The following STK33 variants were observed in gnomAD, a reference collection of about 807,000 sequenced individuals.
STK33 encodes the protein serine/threonine-protein kinase 33.
Under a neutral mutation model 58.0 loss-of-function variants are expected in STK33, and 52 were observed. That is an observed-to-expected ratio of 0.90 (90% confidence interval 0.72 to 1.13). The LOEUF (loss-of-function observed/expected upper bound fraction) is 1.13. Ranked by LOEUF, STK33 falls within the 50% of genes most tolerant of loss-of-function variation. STK33 has a pLI of 0.00. For missense variants in STK33, 630 were observed against 604.2 expected (o/e 1.04, Z -0.45); for synonymous variants, 215 against 200.1 (o/e 1.07, Z -0.63).
At chr11:8,357,932 A>G in the STK33 span, among the ~76,000 whole-genome samples, 1 of 152,336 alleles carries the variant, frequency 6.6e-6, no homozygotes, top group East Asian at 1.9e-4. Flanking sequence ...GCAGGTACTC[A>G]GCTCAGCTTG....
intron 14 of STK33, among the ~76,000 whole-genome samples, chr11:8,430,961 G>A (rs566572909): frequency 1.2e-4 from 18 of 151,442 alleles, no homozygotes; most frequent in African/African-American, 4.4e-4. Flanking sequence ...CCACCTCCTG[G>A]GTTCAAGCAA....
intron 6 of STK33, among the ~76,000 whole-genome samples, chr11:8,470,133 GA>G (rs1948632945): frequency 6.6e-6 from 1 of 152,200 alleles, no homozygotes; most frequent in Non-Finnish European, 1.5e-5. Flanking sequence ...CTCTAGCTAT[GA>G]AAGGATTAGT....
At chr11:8,457,914 T>A (rs538382863) in intron 8 of STK33, among the ~76,000 whole-genome samples, 1 of 152,274 alleles carries the variant, frequency 6.6e-6, no homozygotes, top group Non-Finnish European at 1.5e-5. Context: ...AAAAGAATAA[T>A]CTCAGTGTTA....
At chr11:8,558,705 T>C (rs986706580) in intron 1 of STK33, among the ~76,000 whole-genome samples, 5 of 152,180 alleles carry the variant, frequency 3.3e-5, no homozygotes, top group African/African-American at 1.2e-4. Flanking sequence ...GTTTTGTGTG[T>C]TCCTGCTGGG....
chr11:8,348,438 A>C, the STK33 span, among the ~76,000 whole-genome samples: 17,456 of 152,184 alleles, frequency 0.11, 1,046 homozygotes, highest in Middle Eastern at 0.16. Context: ...TTATAAAACC[A>C]TCAGGATCTC....
intron 9 of STK33, among the ~76,000 whole-genome samples, chr11:8,455,639 T>C (rs1946755871): frequency 7.2e-6 from 1 of 138,268 alleles, no homozygotes; most frequent in Admixed American, 7.5e-5. Flanking sequence ...AAACCCCATC[T>C]CTACTAAAAA....
chr11:8,474,393 A>C (rs1016386566), intron 5 of STK33, among the ~76,000 whole-genome samples: 2 of 152,184 alleles, frequency 1.3e-5, no homozygotes, highest in African/African-American at 4.8e-5. Context: ...GATTTAATTC[A>C]ACTTGAAAAC....
At chr11:8,479,701 G>C (rs1185348590) in intron 2 of STK33, among the ~76,000 whole-genome samples, 1 of 152,074 alleles carries the variant, frequency 6.6e-6, no homozygotes, top group African/African-American at 2.4e-5. Context: ...AAATTAGCCA[G>C]TCGTGGTGGT....
intron 6 of STK33, among the ~76,000 whole-genome samples, chr11:8,470,009 T>A (rs533261322): frequency 2.4e-4 from 36 of 152,324 alleles, no homozygotes; most frequent in African/African-American, 8.4e-4. Context: ...GCCCTAGGAA[T>A]TTCAAAACAA....
the STK33 span, among the ~76,000 whole-genome samples, chr11:8,354,245 C>G: frequency 6.6e-6 from 1 of 151,990 alleles, no homozygotes; most frequent in African/African-American, 2.4e-5. Context: ...CTGCCAGGCC[C>G]GGCCGGAACT....
chr11:8,443,520 A>G (rs1022924036), intron 11 of STK33, among the ~76,000 whole-genome samples: 1 of 152,182 alleles, frequency 6.6e-6, no homozygotes, highest in Admixed American at 6.5e-5. Context: ...AACACTTATA[A>G]ATAATTTTTC....
rs964040221 is a variant in STK33 at position 8,436,014 on chromosome 11, C to T, written c.1060+13G>A. 6.7e-7 allele frequency: 1 copy of T among 1,483,450 alleles called. No individual in the cohort carries two copies. Among genetic ancestry groups the T allele is most frequent in the Admixed American group, 2.0e-5 (1 of 49,252 alleles). The allele number at this position is 1,483,450 out of a possible 1,614,324, so 91.9% of individuals were successfully genotyped here. A position where few individuals can be genotyped will look rare whatever the true frequency, so the allele number is the denominator to read the frequency against. ...ATATTAGCTTTAGTAAATAATAACG[C>T]ATCTATACTTACCACAGTCACTTAT... On this transcript the variant is annotated intron_variant, in intron 13 of 15. Transcript: ENST00000687296.
chr11:8,514,056 G>T (rs983607721), intron 1 of STK33, among the ~76,000 whole-genome samples: 1 of 151,804 alleles, frequency 6.6e-6, no homozygotes, highest in African/African-American at 2.4e-5. Context: ...AGAAATAAGT[G>T]AGAACATACT....
At chr11:8,376,408 A>T in the STK33 span, among the ~76,000 whole-genome samples, 1 of 152,252 alleles carries the variant, frequency 6.6e-6, no homozygotes, top group Non-Finnish European at 1.5e-5. Context: ...AGGAGAAGGC[A>T]GACGGCTTAA....
intron 1 of STK33, among the ~76,000 whole-genome samples, chr11:8,555,551 G>T (rs1956679255): frequency 6.6e-6 from 1 of 151,998 alleles, no homozygotes; most frequent in Non-Finnish European, 1.5e-5. Flanking sequence ...TGTAATCCCA[G>T]TTACTCGGGA....
At chr11:8,412,841 T>C (rs1940503994) in intron 15 of STK33, among the ~76,000 whole-genome samples, 2 of 152,176 alleles carry the variant, frequency 1.3e-5, no homozygotes, top group Non-Finnish European at 1.5e-5. Context: ...TGGGTAAACT[T>C]TGTCAGGATA....
chr11:8,357,178 G>C, the STK33 span, among the ~76,000 whole-genome samples: 1 of 152,216 alleles, frequency 6.6e-6, no homozygotes, highest in Non-Finnish European at 1.5e-5. Context: ...CAAGTTTCCC[G>C]TCCTCTGTTT....
intron 5 of STK33, among the ~76,000 whole-genome samples, chr11:8,474,436 A>G (rs181955447): frequency 0.012 from 1,846 of 152,340 alleles, 38 homozygotes; most frequent in African/African-American, 0.042. Context: ...TTAAAAAAAG[A>G]AGTTGGTATA....
the STK33 span, among the ~76,000 whole-genome samples, chr11:8,381,393 A>T: frequency 6.6e-6 from 1 of 151,952 alleles, no homozygotes; most frequent in Admixed American, 6.6e-5. Flanking sequence ...CCCCTTCCCC[A>T]CTCCATTGTG....
Sources: gnomAD v4.1 joint callset for allele counts (sites outside exome capture counted in the v4.1 genomes callset) on GRCh38, gnomAD v4.1.1 for gene constraint, MANE v1.5 for transcripts, NCBI Gene and HGNC (gene_info 2026-07-23, HGNC 2026-07-21) for gene names.